SLX4IP: variants seen among roughly 807,000 people sequenced by gnomAD.
SLX4IP encodes the protein protein SLX4IP.
SLX4IP carries 34 observed loss-of-function variants against 32.9 expected under a neutral mutation model. That is an observed-to-expected ratio of 1.03 (90% CI 0.79 to 1.38). The LOEUF is 1.38. Among genes scored for constraint, SLX4IP ranks in the 40% most tolerant of loss-of-function variants. The probability of loss-of-function intolerance (pLI) is 0.00; values close to 1 mark genes in which losing one functional copy is unlikely to be tolerated. For missense variants in SLX4IP, 444 were observed against 479.0 expected (o/e 0.93, Z 0.68); for synonymous variants, 172 against 171.7 (o/e 1.00, Z -0.01).
At chr20:10,469,692 TGTAG>T (rs2065408359) in intron 2 of SLX4IP, among the ~76,000 whole-genome samples, 1 of 152,180 alleles carries the variant, frequency 6.6e-6, no homozygotes, top group African/African-American at 2.4e-5. Context: ...CTCTGAGGGC[TGTAG>T]GGGGCATCAT....
intron 4 of SLX4IP, among the ~76,000 whole-genome samples, chr20:10,590,572 G>A (rs754571831): frequency 1.2e-4 from 19 of 152,048 alleles, no homozygotes; most frequent in Non-Finnish European, 2.1e-4. Flanking sequence ...TGTTGCTCAG[G>A]CTGGTCTCAA....
chr20:10,528,824 A>T (rs1009581753), intron 2 of SLX4IP, among the ~76,000 whole-genome samples: 2 of 152,172 alleles, frequency 1.3e-5, no homozygotes, highest in African/African-American at 4.8e-5. Context: ...CTGTGTTGTC[A>T]CATTAGATGT....
At chr20:10,510,698 G>A (rs887231398) in intron 2 of SLX4IP, among the ~76,000 whole-genome samples, 2 of 151,156 alleles carry the variant, frequency 1.3e-5, no homozygotes, top group African/African-American at 2.4e-5. Context: ...TCCACCTCCC[G>A]GGTTCAAGTG....
At chr20:10,581,658 G>A (rs776829431) in intron 4 of SLX4IP, among the ~76,000 whole-genome samples, 3 of 152,192 alleles carry the variant, frequency 2.0e-5, no homozygotes, top group Non-Finnish European at 2.9e-5. Flanking sequence ...GCTCATGCCT[G>A]TAATCCTAAC....
chr20:10,601,095 A>G (rs2066836475), intron 5 of SLX4IP, among the ~76,000 whole-genome samples: 1 of 152,190 alleles, frequency 6.6e-6, no homozygotes, highest in Admixed American at 6.5e-5. Flanking sequence ...TGAGAAGTCA[A>G]TGGTTTTGTT....
At chr20:10,445,079 G>T (rs1316649751) in intron 1 of SLX4IP, among the ~76,000 whole-genome samples, 1 of 152,130 alleles carries the variant, frequency 6.6e-6, no homozygotes, top group East Asian at 1.9e-4. Context: ...ATTGGGTTTT[G>T]TAAAAGAATA....
chr20:10,620,164 A>G (rs1214180020), intron 6 of SLX4IP, among the ~76,000 whole-genome samples: 1 of 152,174 alleles, frequency 6.6e-6, no homozygotes, highest in African/African-American at 2.4e-5. Context: ...ACCTACTGAC[A>G]ACTTACTAAA....
intron 2 of SLX4IP, among the ~76,000 whole-genome samples, chr20:10,543,559 T>A (rs1304858291): frequency 6.6e-6 from 1 of 152,092 alleles, no homozygotes; most frequent in Non-Finnish European, 1.5e-5. Flanking sequence ...GAGGCCAAAG[T>A]GATGGGACAA....
intron 5 of SLX4IP, among the ~76,000 whole-genome samples, chr20:10,599,590 G>T (rs1168118172): frequency 1.3e-5 from 2 of 151,538 alleles, no homozygotes; most frequent in Non-Finnish European, 2.9e-5. Context: ...GGTAGAGAAG[G>T]GGTCTCACTA....
chr20:10,481,223 T>C (rs961606848), intron 2 of SLX4IP, among the ~76,000 whole-genome samples: 33 of 152,298 alleles, frequency 2.2e-4, no homozygotes, highest in Middle Eastern at 3.4e-3. Flanking sequence ...ATAGTGGTGA[T>C]GTCTAAGTTT....
At chr20:10,525,505 G>A (rs559375179) in intron 2 of SLX4IP, among the ~76,000 whole-genome samples, 12 of 152,148 alleles carry the variant, frequency 7.9e-5, no homozygotes, top group Admixed American at 3.3e-4. Context: ...TATTTTTACC[G>A]CTTAGCCGAA....
At chr20:10,548,210 C>T (rs1312601085) in intron 2 of SLX4IP, among the ~76,000 whole-genome samples, 1 of 152,106 alleles carries the variant, frequency 6.6e-6, no homozygotes, top group Admixed American at 6.5e-5. Flanking sequence ...AGGACATTCT[C>T]CTATTAGTCA....
intron 2 of SLX4IP, among the ~76,000 whole-genome samples, chr20:10,503,161 T>G (rs986179975): frequency 6.6e-6 from 1 of 152,158 alleles, no homozygotes; most frequent in African/African-American, 2.4e-5. Context: ...GGGTTCACTC[T>G]GGGTATGAAT....
intron 4 of SLX4IP, among the ~76,000 whole-genome samples, chr20:10,570,575 C>T (rs997848064): frequency 3.3e-5 from 5 of 151,654 alleles, no homozygotes; most frequent in African/African-American, 1.2e-4. Flanking sequence ...TTTGCCCAGG[C>T]TGGAGTGCAG....
At chr20:10,570,919 A>G (rs753529184) in intron 4 of SLX4IP, among the ~76,000 whole-genome samples, 16 of 151,764 alleles carry the variant, frequency 1.1e-4, no homozygotes, top group Non-Finnish European at 1.8e-4. Flanking sequence ...AGCCTCAACC[A>G]CCTGGGTTCA....
chr20:10,576,339 C>G (rs2122520386), intron 4 of SLX4IP, among the ~76,000 whole-genome samples: 1 of 152,266 alleles, frequency 6.6e-6, no homozygotes, highest in South Asian at 2.1e-4. Flanking sequence ...TTAAGAATCC[C>G]TGGGCTGTTC....
chr20:10,447,124 G>A (rs1367366249), intron 1 of SLX4IP, among the ~76,000 whole-genome samples: 1 of 152,102 alleles, frequency 6.6e-6, no homozygotes. Context: ...AAATAGATAT[G>A]AGCAGTTGTT....
chr20:10,483,429 G>A (rs1275733690), intron 2 of SLX4IP, among the ~76,000 whole-genome samples: 1 of 152,054 alleles, frequency 6.6e-6, no homozygotes. Flanking sequence ...TCCAAGAAAG[G>A]TAATTTTGTA....
intron 2 of SLX4IP, among the ~76,000 whole-genome samples, chr20:10,487,429 A>C (rs1300040341): frequency 6.6e-6 from 1 of 152,240 alleles, no homozygotes; most frequent in Admixed American, 6.5e-5. Flanking sequence ...AATGGAAAAT[A>C]GTGAGACAAT....
Sources: gnomAD v4.1 joint callset for allele counts (sites outside exome capture counted in the v4.1 genomes callset) on GRCh38, gnomAD v4.1.1 for gene constraint, MANE v1.5 for transcripts, NCBI Gene and HGNC (gene_info 2026-07-23, HGNC 2026-07-21) for gene names.